Variants in DENND2A observed in about 807,000 individuals in gnomAD.
The protein encoded by DENND2A is DENN domain-containing protein 2A.
In DENND2A, 53 loss-of-function variants were observed where a neutral mutation model predicts 105.3. That is an observed-to-expected ratio of 0.50 (90% confidence interval 0.40 to 0.63). DENND2A has a LOEUF of 0.63. Among genes scored for constraint, DENND2A ranks in the 30% least tolerant of loss-of-function variants. The pLI, the probability that DENND2A is intolerant of heterozygous loss-of-function variation, is 0.00. For missense variants in DENND2A, 1,138 were observed against 1,279.6 expected, an observed-to-expected ratio of 0.89 and a Z score of 1.69; for synonymous variants, 522 against 508.4, an observed-to-expected ratio of 1.03 and a Z score of -0.36.
chr7:140,564,461 G>T (rs1311626824), intron 9 of DENND2A, among the ~76,000 whole-genome samples: 1 of 152,078 alleles, frequency 6.6e-6, no homozygotes, highest in Non-Finnish European at 1.5e-5. Flanking sequence ...AATAATGAGA[G>T]GTTTACAAAA....
At chr7:140,538,769 G>T (rs1796540691) in intron 14 of DENND2A, among the ~76,000 whole-genome samples, 1 of 150,588 alleles carries the variant, frequency 6.6e-6, no homozygotes, top group Admixed American at 6.6e-5. Context: ...GCCTCCCAAA[G>T]TGCTGGGATT....
In DENND2A at chr7:140,628,536, C is replaced by CTTT. The variant is rs987018660; in HGVS notation, c.-248+11965_-248+11967dup. Among the ~76,000 whole-genome samples the CTTT allele has an allele frequency of 2.6e-3, 303 of 116,060 alleles. 3 individuals carry two copies. Among genetic ancestry groups the CTTT allele is most frequent in the African/African-American group, 6.3e-3 (189 of 30,136 alleles). 76.1% of individuals were successfully genotyped at this position (116,060 alleles called of 152,430 possible). ...ATCCCCTTTGGCCTAAAATTTCTTT[C>CTTT]TTTTTTTTTTTTTTTTTTTTTGAGG... On this transcript the variant is annotated intron_variant, in intron 1 of 19. Transcript: ENST00000496613.
chr7:140,519,809 C>A, intron 18 of DENND2A, 91 bp from the exon 19 acceptor site: 1 of 1,211,204 alleles, frequency 8.3e-7, no homozygotes, highest in Non-Finnish European at 1.2e-6. Flanking sequence ...AAAGAGAAAC[C>A]TTGTTTCTGA....
chr7:140,547,445 C>G (rs1019764290), intron 12 of DENND2A, among the ~76,000 whole-genome samples: 3 of 152,108 alleles, frequency 2.0e-5, no homozygotes, highest in Non-Finnish European at 4.4e-5. Flanking sequence ...CCACTTCACA[C>G]CCGTTAGGAT....
rs757276950 is a variant in DENND2A at position 140,558,205 on chromosome 7, A to C, written c.1897T>G (p.Phe633Val). ...TCTTCTCCAGTTAAGACAAATGAGA[A>C]TGTTTCACTGTGGTTGGGAAAACAC... is the stretch of plus-strand genomic sequence containing the variant. Reference protein sequence around the residue: ...VPVQQFTSETFSFVLTGEDGS... With the variant: ...VPVQQFTSETVSFVLTGEDGS... Residue 633 changes from phenylalanine to valine, a missense_variant, in exon 11 of 20, where the codon TTC (phenylalanine) becomes GTC (valine). By Grantham distance (50) the Phe-to-Val change is conservative. This residue lies in a region of DENND2A where 627 missense variants were observed against 779.8 expected (regional missense o/e 0.80). Transcript: ENST00000496613. 6.2e-7 allele frequency: 1 copy of C among 1,612,852 alleles called. No individual in the cohort carries two copies. Among genetic ancestry groups the C allele is most frequent in the Non-Finnish European group, 8.5e-7 (1 of 1,178,936 alleles).
At chr7:140,613,195 T>A (rs1039899879) in intron 1 of DENND2A, among the ~76,000 whole-genome samples, 4 of 151,770 alleles carry the variant, frequency 2.6e-5, no homozygotes, top group South Asian at 4.1e-4. Context: ...GCAGGAGGAC[T>A]GCTTGAGACC....
At chr7:140,552,901 A>G (rs79637340) in intron 12 of DENND2A, among the ~76,000 whole-genome samples, 3,902 of 151,048 alleles carry the variant, frequency 0.026, 175 homozygotes, top group African/African-American at 0.088. Flanking sequence ...AGATTGTACT[A>G]TGTTTGTATA....
chr7:140,557,526 TATA>T (rs1292760229), intron 11 of DENND2A, among the ~76,000 whole-genome samples: 5 of 33,680 alleles, frequency 1.5e-4, no homozygotes, highest in Non-Finnish European at 2.2e-4. Context: ...TATATATATA[TATA>T]TATTTTTTTT....
At chr7:140,564,844 GCAGGA>G (rs1797774234) in intron 9 of DENND2A, among the ~76,000 whole-genome samples, 1 of 152,200 alleles carries the variant, frequency 6.6e-6, no homozygotes, top group Admixed American at 6.5e-5. Flanking sequence ...GAACAGGATA[GCAGGA>G]CAGCCCTTCA....
At position 140,545,073 on chromosome 7, in the gene DENND2A, G is replaced by A. The variant is rs76566834; in HGVS notation, c.2179-307C>T. On this transcript the variant is annotated intron_variant, in intron 13 of 19. Coordinates refer to ENST00000496613, the MANE Select transcript of DENND2A (RefSeq NM_015689.5). ...ATGGTTTCCGGCCCCACATGGTTGCGGGGCTCTCTCTGGCAACAGCATATC... is the reference window on the plus strand; with the variant it reads ...ATGGTTTCCGGCCCCACATGGTTGCAGGGCTCTCTCTGGCAACAGCATATC... Among the ~76,000 whole-genome samples the A allele has an allele frequency of 8.3e-3, 1,270 of 152,180 alleles. 18 individuals carry two copies. Among genetic ancestry groups the A allele is most frequent in the African/African-American group, 0.028 (1,183 of 41,510 alleles).
intron 9 of DENND2A, among the ~76,000 whole-genome samples, chr7:140,561,737 ACTCCTGGC>A (rs1435057650): frequency 1.4e-5 from 2 of 144,820 alleles, no homozygotes; most frequent in African/African-American, 5.2e-5. Context: ...CTGATCTTGA[ACTCCTGGC>A]CTCAAGTGAT....
At chr7:140,554,429 C>T (rs1797277243) in intron 12 of DENND2A, among the ~76,000 whole-genome samples, 2 of 151,856 alleles carry the variant, frequency 1.3e-5, no homozygotes, top group African/African-American at 2.4e-5. Context: ...CACTTGAGGT[C>T]AGTTTGAGAC....
At chr7:140,588,338 G>T (rs1370169018) in intron 3 of DENND2A, among the ~76,000 whole-genome samples, 1 of 152,126 alleles carries the variant, frequency 6.6e-6, no homozygotes, top group Non-Finnish European at 1.5e-5. Context: ...TCCCAACTTT[G>T]TAAACAAACA....
intron 14 of DENND2A, among the ~76,000 whole-genome samples, chr7:140,539,425 T>A (rs1796569538): frequency 6.6e-6 from 1 of 152,138 alleles, no homozygotes; most frequent in Admixed American, 6.5e-5. Context: ...GACTTCCCCA[T>A]GACCTGTTAG....
In DENND2A at chr7:140,587,682, G is replaced by C. The variant is rs747288299; in HGVS notation, c.1094C>G (p.Ser365Trp). ...QTKLGLTRTL[S>W]EENVYEDILD... ...AATGTCTTCATAGACGTTCTCCTCC[G>C]ATAAAGTGCGTGTCAGCCCCAGCTT... is the stretch of plus-strand genomic sequence containing the variant. Residue 365 changes from serine (S) to tryptophan (W), a missense_variant, in exon 4 of 20, where the codon TCG becomes TGG. Coordinates refer to ENST00000496613, the MANE Select transcript of DENND2A (RefSeq NM_015689.5). 6.2e-7 allele frequency: 1 copy of C among 1,613,918 alleles called. No individual in the cohort carries two copies. The highest frequency in any genetic ancestry group is 1.1e-5 in the South Asian group (1 of 91,068).
intron 1 of DENND2A, among the ~76,000 whole-genome samples, chr7:140,606,431 G>C (rs1799690000): frequency 6.6e-6 from 1 of 152,176 alleles, no homozygotes; most frequent in Non-Finnish European, 1.5e-5. Flanking sequence ...ACGAGACCCA[G>C]TGCTTTTTTA....
In DENND2A at chr7:140,569,688, C is replaced by T. The variant is rs750754602; in HGVS notation, c.1497G>A (p.Arg499=). The change falls in exon 7 of 20, where the codon CGG becomes CGA. Residue 499 remains arginine, a synonymous_variant. Coordinates refer to ENST00000496613, the MANE Select transcript of DENND2A (RefSeq NM_015689.5). ...AIYEVRRGKK[R]VKRLSQSMES... is the part of the protein sequence containing the mutation. ...CCATTGACTGGGACAGCCTCTTCACCCGTTTCTTTCCTCTCCGGACCTCAT... is the reference window on the plus strand; with the variant it reads ...CCATTGACTGGGACAGCCTCTTCACTCGTTTCTTTCCTCTCCGGACCTCAT... 7 of 1,613,904 alleles carry T rather than the reference C, an allele frequency of 4.3e-6. No individual in the cohort carries two copies. In the East Asian group the frequency reaches 1.1e-4, roughly 26 times the overall value.
chr7:140,624,863 TTTTTG>T lies in DENND2A; in HGVS notation c.-248+15636_-248+15640del, dbSNP rs1563185463. On this transcript the variant is annotated intron_variant, in intron 1 of 19. Transcript: ENST00000496613. Reference sequence around the variant, plus strand: ...TGTTTTTCTTTGTTTTTTTTGTTTTTTTTTGTTTTTTTTTTTTTGCTTTTTGAGAC... The same window carrying T: ...TGTTTTTCTTTGTTTTTTTTGTTTTTTTTTTTTTTTTTTGCTTTTTGAGAC... Among the ~76,000 whole-genome samples the T allele has an allele frequency of 6.2e-3, 915 of 147,748 alleles. 36 individuals carry two copies. The highest frequency in any genetic ancestry group is 0.023 in the African/African-American group (864 of 38,130).
chr7:140,619,586 G>A (rs1228829918), intron 1 of DENND2A, among the ~76,000 whole-genome samples: 6 of 151,736 alleles, frequency 4.0e-5, no homozygotes, highest in African/African-American at 7.3e-5. Flanking sequence ...TGCAACCTCC[G>A]CCTCCTGGGT....
Sources: gnomAD v4.1 joint callset for allele counts (sites outside exome capture counted in the v4.1 genomes callset) on GRCh38, gnomAD v4.1.1 for gene constraint, gnomAD v4.1.1 regional missense constraint, MANE v1.5 for transcripts, NCBI Gene and HGNC (gene_info 2026-07-23, HGNC 2026-07-21) for gene names.